ASS1: variants seen among roughly 807,000 people sequenced by gnomAD.
ASS1 encodes argininosuccinate synthase.
Under a neutral mutation model 60.5 loss-of-function variants are expected in ASS1, and 58 were observed. That is an observed-to-expected ratio of 0.96 (90% CI 0.78 to 1.19). The LOEUF is 1.19. Among genes scored for constraint, ASS1 ranks in the 50% most tolerant of loss-of-function variants. The pLI, the probability that ASS1 is intolerant of heterozygous loss-of-function variation, is 0.00. For synonymous variants in ASS1, 200 were observed against 206.9 expected, an observed-to-expected ratio of 0.97 and a Z score of 0.29; for missense variants, 454 against 547.3, an observed-to-expected ratio of 0.83 and a Z score of 1.70.
intron 11 of ASS1, among the ~76,000 whole-genome samples, chr9:130,483,954 C>T (rs765451008): frequency 6.6e-6 from 1 of 152,122 alleles, no homozygotes; most frequent in Non-Finnish European, 1.5e-5. Flanking sequence ...GCCCAACGTG[C>T]CCACCCACCA....
chr9:130,498,772 C>T (rs913658509), intron 13 of ASS1, among the ~76,000 whole-genome samples: 6 of 152,164 alleles, frequency 3.9e-5, no homozygotes, highest in Non-Finnish European at 8.8e-5. Flanking sequence ...ACGCAAACCC[C>T]AGTCAGCTGG....
At position 130,477,919 on chromosome 9, in the gene ASS1, A is replaced by G. The variant is rs1846064464; in HGVS notation, c.688+958A>G. ...GGCTCTTACCCCGGCTACCACAGAA[A>G]GGAGGATAGGGTGGGGAAGCCTCAG... is the stretch of plus-strand genomic sequence containing the variant. On this transcript the variant is annotated intron_variant, in intron 9 of 14. Coordinates refer to ENST00000352480, the MANE Select transcript of ASS1 (RefSeq NM_054012.4). This position sits in a 1 kb window ranked among gnomAD's most constrained non-coding sequence, Gnocchi z 4.2. Among the ~76,000 whole-genome samples, 1 of 152,136 alleles carries G rather than the reference A, an allele frequency of 6.6e-6. No homozygotes were observed. Among genetic ancestry groups the G allele is most frequent in the African/African-American group, 2.4e-5 (1 of 41,444 alleles).
chr9:130,469,395 A>AT (rs1302394929), intron 6 of ASS1, among the ~76,000 whole-genome samples: 4 of 151,146 alleles, frequency 2.6e-5, no homozygotes. Context: ...GCCCTTAGTG[A>AT]TTTTTTCTTT....
At chr9:130,463,213 G>A (rs1370798838) in intron 4 of ASS1, among the ~76,000 whole-genome samples, 1 of 152,244 alleles carries the variant, frequency 6.6e-6, no homozygotes, top group East Asian at 1.9e-4. Flanking sequence ...CATTTCCACA[G>A]CGCTTAAGTC....
At chr9:130,458,022 G>A (rs945635853) in intron 3 of ASS1, among the ~76,000 whole-genome samples, 7 of 152,146 alleles carry the variant, frequency 4.6e-5, no homozygotes, top group African/African-American at 1.7e-4. Context: ...AGCAAGCCAT[G>A]GTGGCATGCG....
At chr9:130,462,475 T>C (rs1229043694) in intron 4 of ASS1, among the ~76,000 whole-genome samples, 2 of 151,780 alleles carry the variant, frequency 1.3e-5, no homozygotes, top group Non-Finnish European at 2.9e-5. Flanking sequence ...GAGGGCAGAG[T>C]TTGAACCAAG....
At chr9:130,452,454 C>A in intron 2 of ASS1, 121 bp downstream of exon 2, 2 of 818,242 alleles carry the variant, frequency 2.4e-6, no homozygotes, top group Non-Finnish European at 4.2e-6. Context: ...TCAAGCCTGG[C>A]CTCTTCTCTC....
At chr9:130,458,685 C>T (rs539248382) in intron 4 of ASS1, 96 bp downstream of exon 4, 88 of 1,490,608 alleles carry the variant, frequency 5.9e-5, no homozygotes, top group Admixed American at 4.5e-4. Context: ...GGTGTGCCTC[C>T]GGGGCAGACT....
At position 130,476,931 on chromosome 9, in the gene ASS1, C is replaced by T; in HGVS notation, c.658C>T (p.Pro220Ser). The change falls in exon 9 of 15, where the codon CCT becomes TCT. Residue 220 changes from proline (P) to serine (S), a missense_variant. Transcript: ENST00000352480. The surrounding 1 kb of genome is among the most constrained non-coding windows in gnomAD (Gnocchi z 4.9). ...TQDPAKAPNT[P>S]DILEIEFKKG... ...GGACCCAGCCAAAGCCCCCAACACC[C>T]CTGACATTCTCGAGATCGAGTTCAA... 6.2e-7 allele frequency: 1 copy of T among 1,614,140 alleles called. No individual in the cohort carries two copies. The highest frequency in any genetic ancestry group is 2.2e-5 in the East Asian group (1 of 44,880).
chr9:130,471,652 C>A, intron 8 of ASS1, 137 bp downstream of exon 8: 1 of 1,045,480 alleles, frequency 9.6e-7, no homozygotes, highest in Non-Finnish European at 1.4e-6. Flanking sequence ...CGAGCCCTGC[C>A]TGTGTTCCCC....
In ASS1 at chr9:130,475,490, G is replaced by A. The variant is rs186900123; in HGVS notation, c.598-1381G>A. On this transcript the variant is annotated intron_variant, in intron 8 of 14. Transcript: ENST00000352480. Reference sequence around the variant, plus strand: ...CCTGAGCTCTTGATCCTGGCACGGGGTAATGCCCATCACTCTAAAATACAA... The same window carrying A: ...CCTGAGCTCTTGATCCTGGCACGGGATAATGCCCATCACTCTAAAATACAA... Among the ~76,000 whole-genome samples, 473 of 152,338 alleles carry A rather than the reference G, an allele frequency of 3.1e-3. 2 individuals are homozygous for A. Among genetic ancestry groups the A allele is most frequent in the Admixed American group, 5.1e-3 (78 of 15,306 alleles).
At chr9:130,471,645 G>A (rs1158965335) in intron 8 of ASS1, 130 bp downstream of exon 8, 10 of 1,151,312 alleles carry the variant, frequency 8.7e-6, no homozygotes, top group Non-Finnish European at 5.1e-6. Context: ...CTGGGGCCGA[G>A]CCCTGCCTGT....
chr9:130,498,359 C>G (rs1846653979), intron 13 of ASS1, among the ~76,000 whole-genome samples: 1 of 152,194 alleles, frequency 6.6e-6, no homozygotes, highest in Non-Finnish European at 1.5e-5. Context: ...GGACCCCATC[C>G]TCTCAGAGGC....
chr9:130,496,527 G>A (rs1846606346), intron 13 of ASS1, among the ~76,000 whole-genome samples: 1 of 151,400 alleles, frequency 6.6e-6, no homozygotes, highest in South Asian at 2.1e-4. Context: ...GGAGCTGGAG[G>A]CTGCAGTGAG....
At chr9:130,490,505 G>T (rs1023751476) in intron 12 of ASS1, among the ~76,000 whole-genome samples, 2 of 151,792 alleles carry the variant, frequency 1.3e-5, no homozygotes, top group Admixed American at 6.6e-5. Flanking sequence ...GTAGAGATGG[G>T]GTTTCACCAT....
rs1846047325 is a variant in ASS1, at chr9:130,477,389, G to A, written c.688+428G>A. On this transcript the variant is annotated intron_variant, in intron 9 of 14. Transcript: ENST00000352480. This position sits in a 1 kb window ranked among gnomAD's most constrained non-coding sequence, Gnocchi z 4.2. ...GGAAGGTGCTCAGTAAACGGTGAGT[G>A]TTGGCGAGCTGGCCTCATGGACCCC... Among the ~76,000 whole-genome samples the A allele has an allele frequency of 6.6e-6, 1 of 152,210 alleles. No individual in the cohort carries two copies. The highest frequency in any genetic ancestry group is 2.4e-5 in the African/African-American group (1 of 41,446).
In ASS1 at chr9:130,501,263, C is replaced by T; in HGVS notation, c.*242C>T. 1 of 509,766 alleles carries T rather than the reference C, an allele frequency of 2.0e-6. No individual in the cohort carries two copies. Among genetic ancestry groups the T allele is most frequent in the South Asian group, 2.1e-5 (1 of 48,754 alleles). 31.6% of individuals were successfully genotyped at this position (509,766 alleles called of 1,614,324 possible). A position where few individuals can be genotyped will look rare whatever the true frequency, so the allele number is the denominator to read the frequency against. On this transcript the variant is annotated 3_prime_UTR_variant, in exon 15 of 15. Transcript: ENST00000352480. The stretch of plus-strand genomic sequence containing the variant: ...AATGACAATTAAAAGAGACACTAGT[C>T]TTTTATTTCTAGTGAGTGTGTGTGT...
rs1846085226 is a variant in ASS1 at position 130,478,736 on chromosome 9, G to T, written c.689-980G>T. Among the ~76,000 whole-genome samples the T allele has an allele frequency of 6.6e-6, 1 of 152,156 alleles. No individual in the cohort carries two copies. The highest frequency in any genetic ancestry group is 6.5e-5 in the Admixed American group (1 of 15,288). ...AGGGAGAGAGGAGAGGCGGGGGGTGGTGAGAGGGGCTTAAGGTTCATTATT... is the reference window on the plus strand; with the variant it reads ...AGGGAGAGAGGAGAGGCGGGGGGTGTTGAGAGGGGCTTAAGGTTCATTATT... On this transcript the variant is annotated intron_variant, in intron 9 of 14. Coordinates refer to ENST00000352480, the MANE Select transcript of ASS1 (RefSeq NM_054012.4). The surrounding 1 kb of genome is among the most constrained non-coding windows in gnomAD (Gnocchi z 4.7).
chr9:130,457,851 G>C (rs888077830), intron 3 of ASS1, among the ~76,000 whole-genome samples: 2 of 152,212 alleles, frequency 1.3e-5, no homozygotes, highest in African/African-American at 4.8e-5. Context: ...CAGTTTCACA[G>C]AACGGTGCAT....
Sources: gnomAD v4.1 joint callset for allele counts (sites outside exome capture counted in the v4.1 genomes callset) on GRCh38, gnomAD v4.1.1 for gene constraint, Gnocchi (gnomAD v3.1) non-coding constraint, MANE v1.5 for transcripts, NCBI Gene and HGNC (gene_info 2026-07-23, HGNC 2026-07-21) for gene names.